The following IQSEC3 variants were observed in gnomAD, a reference collection of about 807,000 sequenced individuals.
IQSEC3 encodes IQ motif and Sec7 domain ArfGEF 3, also known as IQ motif and SEC7 domain-containing protein 3.
In IQSEC3, 50 loss-of-function variants were observed where a neutral mutation model predicts 105.4. The ratio of observed to expected loss-of-function variants is 0.47; its 90% confidence interval spans 0.38 to 0.60. The LOEUF (loss-of-function observed/expected upper bound fraction) is 0.60, where lower values mean the gene tolerates loss of function less well. Among genes scored for constraint, IQSEC3 ranks in the 20% least tolerant of loss-of-function variants. The pLI is 0.00. For synonymous variants in IQSEC3, 708 were observed against 746.0 expected (o/e 0.95, Z 0.83); for missense variants, 1,415 against 1,630.0 (o/e 0.87, Z 2.27).
At chr12:120,587 A>G (rs1358189563) in intron 2 of IQSEC3, among the ~76,000 whole-genome samples, 1 of 152,188 alleles carries the variant, frequency 6.6e-6, no homozygotes, top group Non-Finnish European at 1.5e-5. Flanking sequence ...GGTGCCTAGC[A>G]TACCTCTAAG....
At chr12:116,027 A>G (rs1438552765) in intron 2 of IQSEC3, among the ~76,000 whole-genome samples, 1 of 152,240 alleles carries the variant, frequency 6.6e-6, no homozygotes, top group East Asian at 1.9e-4. Flanking sequence ...ATTACAGGAA[A>G]AGTGAATGAT....
intron 3 of IQSEC3, among the ~76,000 whole-genome samples, chr12:131,136 C>T (rs1555084982): frequency 1.3e-5 from 2 of 152,176 alleles, no homozygotes; most frequent in Non-Finnish European, 2.9e-5. Context: ...TCAGCTGCCA[C>T]AGCAACCTGA....
chr12:69,310 G>A (rs1346252400), intron 1 of IQSEC3, among the ~76,000 whole-genome samples: 11 of 152,258 alleles, frequency 7.2e-5, no homozygotes, highest in Admixed American at 4.6e-4. Context: ...AGTGGCCTAC[G>A]GAACCCAAAC....
chr12:163,723 C>T, intron 9 of IQSEC3, 104 bp downstream of exon 9: 1 of 767,144 alleles, frequency 1.3e-6, no homozygotes, highest in Non-Finnish European at 2.2e-6. Flanking sequence ...ACGCCCAGAG[C>T]TTTCAGACAG....
intron 1 of IQSEC3, among the ~76,000 whole-genome samples, chr12:80,411 G>A (rs575187399): frequency 5.1e-4 from 78 of 152,262 alleles, no homozygotes; most frequent in African/African-American, 1.8e-3. Flanking sequence ...TTCCTGAACC[G>A]ATCTGATAAA....
intron 2 of IQSEC3, among the ~76,000 whole-genome samples, chr12:116,812 G>A (rs183399863): frequency 4.5e-4 from 69 of 152,342 alleles, no homozygotes; most frequent in Non-Finnish European, 9.0e-4. Context: ...AGGCAGCAGT[G>A]TTGATTATGT....
At chr12:70,451 G>A (rs1863269709) in intron 1 of IQSEC3, among the ~76,000 whole-genome samples, 1 of 152,342 alleles carries the variant, frequency 6.6e-6, no homozygotes, top group African/African-American at 2.4e-5. Flanking sequence ...ACATTTGAAG[G>A]GTTAAAATTA....
intron 8 of IQSEC3, among the ~76,000 whole-genome samples, 155 bp downstream of exon 8, chr12:162,220 C>CTTTTTTT (rs11307485): frequency 6.7e-6 from 1 of 150,290 alleles, no homozygotes; most frequent in Non-Finnish European, 1.5e-5. Context: ...CACTGCATCT[C>CTTTTTTT]TTTTTTTTTT....
intron 2 of IQSEC3, 88 bp downstream of exon 2, chr12:99,302 C>T: frequency 8.2e-7 from 1 of 1,218,278 alleles, no homozygotes; most frequent in South Asian, 1.3e-5. Context: ...GCTATTGGGC[C>T]TCCTCCTCTT....
chr12:76,124 AC>A (rs1863513783), intron 1 of IQSEC3, among the ~76,000 whole-genome samples: 1 of 136,526 alleles, frequency 7.3e-6, no homozygotes, highest in Non-Finnish European at 1.6e-5. Context: ...ACACACACAC[AC>A]ACACACAAGG....
intron 1 of IQSEC3, among the ~76,000 whole-genome samples, chr12:80,555 A>G (rs906942977): frequency 6.6e-6 from 1 of 152,204 alleles, no homozygotes; most frequent in Non-Finnish European, 1.5e-5. Flanking sequence ...CTGTAAGTAT[A>G]TATTTTCCTG....
chr12:83,688 G>A (rs1434611960), intron 1 of IQSEC3, among the ~76,000 whole-genome samples: 1 of 146,786 alleles, frequency 6.8e-6, no homozygotes, highest in Non-Finnish European at 1.5e-5. Context: ...GAGAGAGGTT[G>A]ATGGGAAGGC....
intron 13 of IQSEC3, 38 bp from the exon 14 acceptor site, chr12:174,561 T>G: frequency 6.7e-7 from 1 of 1,497,262 alleles, no homozygotes; most frequent in Non-Finnish European, 8.9e-7. Context: ...GAATTAGTCT[T>G]GTAACATTTC....
At chr12:153,748 C>T (rs939989491) in intron 5 of IQSEC3, among the ~76,000 whole-genome samples, 6 of 152,100 alleles carry the variant, frequency 3.9e-5, no homozygotes, top group African/African-American at 1.2e-4. Flanking sequence ...AAAGCAGCCC[C>T]GATAGCCAGG....
At chr12:74,438 A>G (rs1863439966) in intron 1 of IQSEC3, among the ~76,000 whole-genome samples, 1 of 152,284 alleles carries the variant, frequency 6.6e-6, no homozygotes, top group Non-Finnish European at 1.5e-5. Flanking sequence ...TGAGGCCACC[A>G]TAGGCAAAGA....
chr12:105,953 T>G (rs1309368623), intron 2 of IQSEC3, among the ~76,000 whole-genome samples: 1 of 152,198 alleles, frequency 6.6e-6, no homozygotes, highest in Non-Finnish European at 1.5e-5. Flanking sequence ...AAATTGCTGC[T>G]CGTTAAGGCA....
At chr12:74,696 A>T (rs1199769719) in intron 1 of IQSEC3, among the ~76,000 whole-genome samples, 3 of 152,270 alleles carry the variant, frequency 2.0e-5, no homozygotes, top group Non-Finnish European at 2.9e-5. Flanking sequence ...CCACAGCTTC[A>T]GGGGCTAGAG....
At chr12:134,119 G>A (rs782581857) in intron 3 of IQSEC3, among the ~76,000 whole-genome samples, 1 of 152,214 alleles carries the variant, frequency 6.6e-6, no homozygotes, top group Non-Finnish European at 1.5e-5. Flanking sequence ...AAGGAGGCAG[G>A]AGCGGGAGAG....
chr12:160,194 A>C (rs1455642516), intron 7 of IQSEC3, among the ~76,000 whole-genome samples: 2 of 143,552 alleles, frequency 1.4e-5, no homozygotes, highest in Non-Finnish European at 3.1e-5. Context: ...TTTCCCCCAT[A>C]TTTCTTTCTC....
Sources: allele counts gnomAD v4.1 joint callset (sites outside exome capture counted in the v4.1 genomes callset), GRCh38; gene constraint gnomAD v4.1.1; transcripts MANE v1.5; gene names NCBI Gene and HGNC (gene_info 2026-07-23, HGNC 2026-07-21).